MARCHF11: variants seen among roughly 807,000 people sequenced by gnomAD.
MARCHF11 encodes the protein membrane associated ring-CH-type finger 11.
Under a neutral mutation model 37.3 loss-of-function variants are expected in MARCHF11, and 29 were observed. The observed-to-expected ratio is 0.78, with a 90% CI of 0.58 to 1.06. The LOEUF (loss-of-function observed/expected upper bound fraction) is 1.06, where lower values mean the gene tolerates loss of function less well. Among genes scored for constraint, MARCHF11 ranks in the 50% least tolerant of loss-of-function variants. The probability of loss-of-function intolerance (pLI) is 0.00; values close to 1 mark genes in which losing one functional copy is unlikely to be tolerated. For synonymous variants in MARCHF11, 233 were observed against 228.0 expected (o/e 1.02, Z -0.20); for missense variants, 482 against 533.4 (o/e 0.90, Z 0.95).
chr5:16,139,676 A>G (rs752257403), intron 2 of MARCHF11, among the ~76,000 whole-genome samples: 1 of 152,214 alleles, frequency 6.6e-6, no homozygotes, highest in Non-Finnish European at 1.5e-5. Context: ...ATAATTCACA[A>G]TGAACATCTA....
chr5:16,141,151 T>A (rs1279390518), intron 2 of MARCHF11: 4 of 152,192 alleles, frequency 2.6e-5, no homozygotes. Context: ...TCTAACAGCA[T>A]CTCCCTGCTT....
chr5:16,137,245 T>C (rs760649203), intron 2 of MARCHF11, among the ~76,000 whole-genome samples: 4 of 152,158 alleles, frequency 2.6e-5, no homozygotes, highest in Non-Finnish European at 4.4e-5. Context: ...CCATGTGTCA[T>C]GGCAGGGACC....
intron 2 of MARCHF11, among the ~76,000 whole-genome samples, chr5:16,144,310 T>C (rs187039185): frequency 1.3e-5 from 2 of 152,336 alleles, no homozygotes. Context: ...AGATAACTGT[T>C]AGTGCCCTTG....
At chr5:16,164,636 A>G (rs932092146) in intron 2 of MARCHF11, among the ~76,000 whole-genome samples, 1 of 152,134 alleles carries the variant, frequency 6.6e-6, no homozygotes, top group Non-Finnish European at 1.5e-5. Flanking sequence ...ATATTTCTAC[A>G]GCAAAATATA....
At chr5:16,163,095 G>A (rs1370441807) in intron 2 of MARCHF11, among the ~76,000 whole-genome samples, 1 of 151,914 alleles carries the variant, frequency 6.6e-6, no homozygotes, top group Non-Finnish European at 1.5e-5. Context: ...TTTAACAGTA[G>A]GGCGCTTAAG....
Position 16,095,473 on chromosome 5 carries a change from G to GAAGA in MARCHF11, c.694-4393_694-4392insTCTT, listed in dbSNP as rs1736852294. On this transcript the variant is annotated intron_variant, in intron 2 of 3. Coordinates refer to ENST00000332432, the MANE Select transcript of MARCHF11 (RefSeq NM_001102562.3). ...AGGAGCAGGGAAGGAGGGAAGGAAG[G>GAAGA]AAGGAAGGAAGGGAGGGAGGGAGGG... Among the ~76,000 whole-genome samples, 3 of 122,946 alleles carry GAAGA rather than the reference G, an allele frequency of 2.4e-5. No homozygotes were observed. In the South Asian group the frequency reaches 9.3e-4, roughly 38 times the overall value. The allele number at this position is 122,946 out of a possible 152,430, so 80.7% of individuals were successfully genotyped here. A position where few individuals can be genotyped will look rare whatever the true frequency, so the allele number is the denominator to read the frequency against.
At chr5:16,142,884 C>CTTTTTTTTTT (rs61225598) in intron 2 of MARCHF11, among the ~76,000 whole-genome samples, 5 of 52,212 alleles carry the variant, frequency 9.6e-5, no homozygotes, top group African/African-American at 2.8e-4. Flanking sequence ...CCACACCTGG[C>CTTTTTTTTTT]TTTTTTTTTT....
At chr5:16,073,786 T>C (rs555416730) in intron 3 of MARCHF11, among the ~76,000 whole-genome samples, 9 of 152,130 alleles carry the variant, frequency 5.9e-5, no homozygotes, top group African/African-American at 9.6e-5. Flanking sequence ...GTCTTAATTA[T>C]ATATGAGCAT....
chr5:16,174,526 G>T (rs141487447), intron 2 of MARCHF11, among the ~76,000 whole-genome samples: 188 of 152,336 alleles, frequency 1.2e-3, no homozygotes, highest in African/African-American at 4.4e-3. Flanking sequence ...TCACTGCAGC[G>T]TGTTTTCCTC....
At chr5:16,114,209 T>C (rs1273388906) in intron 2 of MARCHF11, among the ~76,000 whole-genome samples, 1 of 152,246 alleles carries the variant, frequency 6.6e-6, no homozygotes, top group Admixed American at 6.5e-5. Context: ...TCTTAGCTAC[T>C]GTCAACACCA....
At chr5:16,159,020 G>C (rs376520053) in intron 2 of MARCHF11, among the ~76,000 whole-genome samples, 17 of 151,724 alleles carry the variant, frequency 1.1e-4, no homozygotes, top group African/African-American at 4.1e-4. Context: ...ATGCCAACTA[G>C]CTCAATTTAG....
intron 2 of MARCHF11, among the ~76,000 whole-genome samples, chr5:16,095,349 C>T (rs999067853): frequency 2.0e-5 from 3 of 152,092 alleles, no homozygotes; most frequent in African/African-American, 7.2e-5. Flanking sequence ...CCCCTCTAAG[C>T]TTCAGCGAGG....
chr5:16,069,132 A>G (rs1186025116), intron 3 of MARCHF11, among the ~76,000 whole-genome samples: 1 of 152,244 alleles, frequency 6.6e-6, no homozygotes, highest in Non-Finnish European at 1.5e-5. Flanking sequence ...GAACCAATGG[A>G]TAAGAGTAAT....
At chr5:16,160,012 C>T (rs537864563) in intron 2 of MARCHF11, among the ~76,000 whole-genome samples, 7 of 151,864 alleles carry the variant, frequency 4.6e-5, no homozygotes, top group East Asian at 1.9e-4. Context: ...ATACCATCTT[C>T]GAAAATCTGA....
chr5:16,174,353 G>A (rs190064623), intron 2 of MARCHF11, among the ~76,000 whole-genome samples: 71 of 152,262 alleles, frequency 4.7e-4, no homozygotes, highest in East Asian at 3.9e-4. Context: ...CTAATGATAC[G>A]GCAATTAAGG....
chr5:16,081,440 A>G (rs780192003), intron 3 of MARCHF11, among the ~76,000 whole-genome samples: 6 of 152,238 alleles, frequency 3.9e-5, no homozygotes, highest in Non-Finnish European at 7.3e-5. Flanking sequence ...CATGTCATGA[A>G]ATAATATTTT....
rs1461432401 is a variant in MARCHF11, at chr5:16,160,299, TATATTTA to T, written c.693+17420_693+17426del. Among the ~76,000 whole-genome samples, 8 of 117,898 alleles carry T rather than the reference TATATTTA, an allele frequency of 6.8e-5. No homozygotes were observed. In the Admixed American group the frequency reaches 7.2e-4, roughly 11 times the overall value. 77.3% of individuals were successfully genotyped at this position (117,898 alleles called of 152,430 possible). A position where few individuals can be genotyped will look rare whatever the true frequency, so the allele number is the denominator to read the frequency against. On this transcript the variant is annotated intron_variant, in intron 2 of 3. Transcript: ENST00000332432. ...ATTAAATATTTAATATTTATATTTA[TATATTTA>T]ATATTTAATATAAACATTTAATAAT...
At chr5:16,120,573 C>T (rs1003640844) in intron 2 of MARCHF11, among the ~76,000 whole-genome samples, 2 of 152,246 alleles carry the variant, frequency 1.3e-5, no homozygotes, top group African/African-American at 2.4e-5. Context: ...CTTACATTCA[C>T]ACCTTACAAG....
In MARCHF11 at chr5:16,179,011, G is replaced by T. The variant is rs567857766; in HGVS notation, c.537+28C>A. On this transcript the variant is annotated intron_variant, in intron 1 of 3. Transcript: ENST00000332432. The stretch of plus-strand genomic sequence containing the variant: ...CCGGCGCGAGCTGGAGCCGCCACCG[G>T]CTGCCTCGGGGTCTCGCCGGGCCTT... 4.4e-5 allele frequency: 62 copies of T among 1,404,322 alleles called. No individual in the cohort carries two copies. In the African/African-American group the frequency reaches 8.9e-4, roughly 20 times the overall value. 87.0% of individuals were successfully genotyped at this position (1,404,322 alleles called of 1,614,324 possible). A position where few individuals can be genotyped will look rare whatever the true frequency, so the allele number is the denominator to read the frequency against.
Sources: allele counts gnomAD v4.1 joint callset (sites outside exome capture counted in the v4.1 genomes callset), GRCh38; gene constraint gnomAD v4.1.1; transcripts MANE v1.5; gene names NCBI Gene and HGNC (gene_info 2026-07-23, HGNC 2026-07-21).